Variants in LATS1 observed in about 807,000 individuals in gnomAD.
LATS1 encodes serine/threonine-protein kinase LATS1.
LATS1 carries 25 observed loss-of-function variants against 106.6 expected under a neutral mutation model. That is an observed-to-expected ratio of 0.23 (90% CI 0.17 to 0.33). The LOEUF is 0.33. LATS1 is among the 10% of genes least tolerant of loss of function. LATS1 has a pLI of 1.00. For missense variants in LATS1, 1,040 were observed against 1,382.6 expected (o/e 0.75, Z 3.93); for synonymous variants, 465 against 455.6 (o/e 1.02, Z -0.26).
intron 5 of LATS1, among the ~76,000 whole-genome samples, chr6:149,678,330 C>A (rs889145624): frequency 2.0e-5 from 3 of 150,628 alleles, no homozygotes; most frequent in Non-Finnish European, 2.9e-5. Flanking sequence ...GGCAACAGAG[C>A]GAGACTCCGT....
chr6:149,672,519 T>A (rs2114739878), intron 7 of LATS1, among the ~76,000 whole-genome samples: 1 of 152,076 alleles, frequency 6.6e-6, no homozygotes, highest in South Asian at 2.1e-4. Flanking sequence ...TATGATTTCT[T>A]TCAGTAGCAA....
chr6:149,671,118 G>GT (rs1010499372), intron 7 of LATS1, among the ~76,000 whole-genome samples: 11 of 123,266 alleles, frequency 8.9e-5, no homozygotes, highest in African/African-American at 3.6e-4. Context: ...AGGTTCAGTT[G>GT]TTTTTTTGTT....
intron 7 of LATS1, among the ~76,000 whole-genome samples, chr6:149,662,966 C>CAAAAAA (rs61479102): frequency 1.0e-5 from 1 of 96,266 alleles, no homozygotes; most frequent in Non-Finnish European, 2.2e-5. Context: ...ACACTGTCTC[C>CAAAAAA]AAAAAAAAAA....
chr6:149,713,041 C>T lies in LATS1; in HGVS notation c.-141+4808G>A, dbSNP rs572162735. ...AAATTGAGTATATCTTAAGATCAAC[C>T]CTTGGGCCCCCAACTTCTATGAGCA... On this transcript the variant is annotated intron_variant, in intron 1 of 7. Coordinates refer to ENST00000543571, the MANE Select transcript of LATS1 (RefSeq NM_004690.4). 2.0e-5 allele frequency among the ~76,000 whole-genome samples: 3 copies of T among 152,104 alleles called. No individual in the cohort carries two copies. In the South Asian group the frequency reaches 6.2e-4, roughly 32 times the overall value.
intron 4 of LATS1, among the ~76,000 whole-genome samples, chr6:149,680,742 C>T (rs1781992072): frequency 1.3e-5 from 1 of 78,810 alleles, no homozygotes; most frequent in Non-Finnish European, 2.1e-5. Context: ...TAATGCACTC[C>T]GAAAAAAAAA....
chr6:149,714,316 C>G (rs1480603793), intron 1 of LATS1, among the ~76,000 whole-genome samples: 1 of 152,052 alleles, frequency 6.6e-6, no homozygotes, highest in Non-Finnish European at 1.5e-5. Context: ...CTAGGTTGCC[C>G]AGGCTGGTCT....
intron 4 of LATS1, among the ~76,000 whole-genome samples, chr6:149,682,761 G>A (rs1303847231): frequency 1.3e-5 from 2 of 152,048 alleles, no homozygotes; most frequent in African/African-American, 2.4e-5. Flanking sequence ...GTAAGATATT[G>A]TATGAAGCCT....
chr6:149,706,055 T>G (rs1783743008), intron 1 of LATS1, among the ~76,000 whole-genome samples: 1 of 151,380 alleles, frequency 6.6e-6, no homozygotes, highest in Non-Finnish European at 1.5e-5. Flanking sequence ...TGGTGGCACA[T>G]GCCTGTAATC....
intron 7 of LATS1, among the ~76,000 whole-genome samples, chr6:149,670,171 CAAAAAA>C (rs1177166262): frequency 3.2e-5 from 1 of 31,652 alleles, no homozygotes; most frequent in Non-Finnish European, 7.3e-5. Context: ...AATTGCATCT[CAAAAAA>C]AAAAAAAAAA....
At chr6:149,662,499 C>T (rs1367809442) in intron 7 of LATS1, among the ~76,000 whole-genome samples, 2 of 152,100 alleles carry the variant, frequency 1.3e-5, no homozygotes, top group East Asian at 3.8e-4. Flanking sequence ...CTCTGCCTCC[C>T]CTGTACCATA....
chr6:149,706,634 AGAGT>A (rs1057085579), intron 1 of LATS1, among the ~76,000 whole-genome samples: 2 of 152,242 alleles, frequency 1.3e-5, no homozygotes, highest in Non-Finnish European at 2.9e-5. Context: ...ATGGATTAAC[AGAGT>A]AAGTCCCACA....
Position 149,695,055 on chromosome 6 carries a change from A to G in LATS1, c.496+19T>C. 6.4e-7 allele frequency: 1 copy of G among 1,561,224 alleles called. No individual in the cohort carries two copies. Among genetic ancestry groups the G allele is most frequent in the Non-Finnish European group, 8.6e-7 (1 of 1,157,938 alleles). ...ACAGTAAAAGAAGAGATGAGAAAAT[A>G]AAATATTTGATTAATCACCTGGTTT... is the stretch of plus-strand genomic sequence containing the variant. On this transcript the variant is annotated intron_variant, in intron 3 of 7. Coordinates refer to ENST00000543571, the MANE Select transcript of LATS1 (RefSeq NM_004690.4).
At chr6:149,682,110 C>CAA (rs371480554) in intron 4 of LATS1, among the ~76,000 whole-genome samples, 89 of 121,022 alleles carry the variant, frequency 7.4e-4, no homozygotes, top group Admixed American at 1.1e-3. Context: ...GATGTCGTCT[C>CAA]AAAAAAAAAA....
chr6:149,710,399 G>C (rs1438454813), intron 1 of LATS1, among the ~76,000 whole-genome samples: 1 of 152,176 alleles, frequency 6.6e-6, no homozygotes, highest in African/African-American at 2.4e-5. Context: ...TTGGAAGAAG[G>C]CACAAAAATT....
At chr6:149,675,411 G>C (rs1004408946) in intron 7 of LATS1, among the ~76,000 whole-genome samples, 3 of 152,050 alleles carry the variant, frequency 2.0e-5, no homozygotes, top group African/African-American at 7.3e-5. Flanking sequence ...AAAATTGTGG[G>C]TAACTTCTCA....
intron 1 of LATS1, among the ~76,000 whole-genome samples, chr6:149,712,341 G>C (rs1784152817): frequency 6.6e-6 from 1 of 152,046 alleles, no homozygotes; most frequent in African/African-American, 2.4e-5. Context: ...GGGATTACAG[G>C]CCATGTGCCA....
rs769758085 is a variant in LATS1, at chr6:149,684,368, G to C, written c.721C>G (p.Gln241Glu). The change falls in exon 4 of 8, where the codon CAA becomes GAA. Residue 241 changes from glutamine to glutamate, a missense_variant. Gln to Glu is a conservative substitution (Grantham distance 29). Transcript: ENST00000543571. Reference sequence around the variant, plus strand: ...GGTGGAGGAGTAACACTCCTTACTTGAGGTGGTGGTGGGGGGTTCACTCTC... The same window carrying C: ...GGTGGAGGAGTAACACTCCTTACTTCAGGTGGTGGTGGGGGGTTCACTCTC... ...GQRVNPPPPP[Q>E]VRSVTPPPPP... The C allele has an allele frequency of 1.2e-6, 2 of 1,613,942 alleles. No homozygotes were observed. The highest frequency in any genetic ancestry group is 1.6e-4 in the Middle Eastern group (1 of 6,082).
intron 3 of LATS1, among the ~76,000 whole-genome samples, chr6:149,686,993 C>T (rs552248771): frequency 1.6e-4 from 24 of 152,262 alleles, no homozygotes; most frequent in Middle Eastern, 3.4e-3. Context: ...AAGGTTTATA[C>T]GCTTATACTC....
Position 149,661,674 on chromosome 6 carries a change from C to CCTCAAA in LATS1, c.*54_*55insTTTGAG, listed in dbSNP as rs1409947301. The CCTCAAA allele has an allele frequency of 2.7e-6, 4 of 1,457,260 alleles. No individual in the cohort carries two copies. The highest frequency in any genetic ancestry group is 3.7e-6 in the Non-Finnish European group (4 of 1,088,972). The allele number at this position is 1,457,260 out of a possible 1,614,324, so 90.3% of individuals were successfully genotyped here. On this transcript the variant is annotated 3_prime_UTR_variant, in exon 8 of 8. Coordinates refer to ENST00000543571, the MANE Select transcript of LATS1 (RefSeq NM_004690.4). ...TAATTTTACTCTCAGAACCTCAAAA[C>CCTCAAA]ACCTCGCATTTCAGGCCCTTTTACA...
Sources: gnomAD v4.1 joint callset for allele counts (sites outside exome capture counted in the v4.1 genomes callset) on GRCh38, gnomAD v4.1.1 for gene constraint, MANE v1.5 for transcripts, NCBI Gene and HGNC (gene_info 2026-07-23, HGNC 2026-07-21) for gene names.